RAB36: variants seen among roughly 807,000 people sequenced by gnomAD.
RAB36 encodes RAB36, member RAS oncogene family, also known as ras-related protein Rab-36.
In RAB36, 33 loss-of-function variants were observed where a neutral mutation model predicts 39.3. That is an observed-to-expected ratio of 0.84 (90% CI 0.64 to 1.12). RAB36 has a LOEUF of 1.12. Ranked by LOEUF, RAB36 falls within the 50% of genes most tolerant of loss-of-function variation. RAB36 has a pLI of 0.00. For synonymous variants in RAB36, 133 were observed against 140.2 expected (o/e 0.95, Z 0.36); for missense variants, 308 against 355.3 (o/e 0.87, Z 1.07).
At chr22:23,146,373 A>AT (rs1330272516) in intron 1 of RAB36, among the ~76,000 whole-genome samples, 1 of 134,190 alleles carries the variant, frequency 7.5e-6, no homozygotes, top group Non-Finnish European at 1.7e-5. Flanking sequence ...TGCCCTGCTA[A>AT]TTTTTTTGGT....
rs1319496659 is a variant in RAB36 at position 23,163,418 on chromosome 22, A to AC, written c.*1854_*1855insC. The AC allele has an allele frequency of 2.7e-5, 4 of 148,894 alleles. No individual in the cohort carries two copies. The highest frequency in any genetic ancestry group is 5.9e-5 in the Non-Finnish European group (4 of 67,448). 9.2% of individuals were successfully genotyped at this position (148,894 alleles called of 1,614,324 possible). ...CTAATTTTTTATATTTTTAGTAGAG[A>AC]GAGGTTTCACCGTGTTAGCCAGGAT... On this transcript the variant is annotated 3_prime_UTR_variant, in exon 11 of 11. Coordinates refer to ENST00000263116, the MANE Select transcript of RAB36 (RefSeq NM_004914.5).
At position 23,163,606 on chromosome 22, in the gene RAB36, G is replaced by GCCCCCCCCCCCCCCCCCCCCCCCCCCCC. The variant is rs71744650; in HGVS notation, c.*2052_*2053insCCCCCCCCCCCCCCCCCCCCCCCCCCCC. 2.4e-5 allele frequency: 3 copies of GCCCCCCCCCCCCCCCCCCCCCCCCCCCC among 125,230 alleles called. No homozygotes were observed. Among genetic ancestry groups the GCCCCCCCCCCCCCCCCCCCCCCCCCCCC allele is most frequent in the Admixed American group, 1.7e-4 (2 of 12,112 alleles). The allele number at this position is 125,230 out of a possible 1,614,324, so 7.8% of individuals were successfully genotyped here. A position where few individuals can be genotyped will look rare whatever the true frequency, so the allele number is the denominator to read the frequency against. ...AAAGCATATAAAATACAAGGTGAAA[G>GCCCCCCCCCCCCCCCCCCCCCCCCCCCC]CCCCCCCCCCGCCACATTAGCTGCG... On this transcript the variant is annotated 3_prime_UTR_variant, in exon 11 of 11. Transcript: ENST00000263116.
chr22:23,147,192 C>T (rs2070830194), intron 2 of RAB36, among the ~76,000 whole-genome samples: 1 of 152,198 alleles, frequency 6.6e-6, no homozygotes, highest in Non-Finnish European at 1.5e-5. Flanking sequence ...TGAAAACTCA[C>T]AGCTCTCTTG....
chr22:23,162,913 A>AT lies in RAB36; in HGVS notation c.*1349_*1350insT. 3.3e-6 allele frequency: 1 copy of AT among 299,486 alleles called. No homozygotes were observed. The allele number at this position is 299,486 out of a possible 1,614,324, so 18.6% of individuals were successfully genotyped here. A position where few individuals can be genotyped will look rare whatever the true frequency, so the allele number is the denominator to read the frequency against. Reference sequence around the variant, plus strand: ...TTTTTTGTAGTTTTTTATATAAATGACTTTTTTTTTTTTTTGAGATGGAGT... The same window carrying AT: ...TTTTTTGTAGTTTTTTATATAAATGATCTTTTTTTTTTTTTTGAGATGGAGT... On this transcript the variant is annotated 3_prime_UTR_variant, in exon 11 of 11. Coordinates refer to ENST00000263116, the MANE Select transcript of RAB36 (RefSeq NM_004914.5).
At chr22:23,151,998 G>A (rs1351628425) in intron 3 of RAB36, among the ~76,000 whole-genome samples, 5 of 152,220 alleles carry the variant, frequency 3.3e-5, no homozygotes, top group Non-Finnish European at 7.3e-5. Flanking sequence ...CCACATCGGC[G>A]CACAGCCCCG....
intron 2 of RAB36, among the ~76,000 whole-genome samples, chr22:23,148,845 G>A (rs2070947473): frequency 6.6e-6 from 1 of 152,232 alleles, no homozygotes; most frequent in African/African-American, 2.4e-5. Flanking sequence ...CTGACAGAAA[G>A]AAGCAGCCAG....
intron 5 of RAB36, among the ~76,000 whole-genome samples, chr22:23,155,219 C>T (rs1480816477): frequency 6.6e-6 from 1 of 152,156 alleles, no homozygotes; most frequent in Non-Finnish European, 1.5e-5. Context: ...ATCAGTTGAC[C>T]TCAAAAAGCG....
intron 5 of RAB36, among the ~76,000 whole-genome samples, chr22:23,155,658 C>T (rs925286503): frequency 6.6e-6 from 1 of 152,184 alleles, no homozygotes; most frequent in Non-Finnish European, 1.5e-5. Flanking sequence ...TGTCTTGGGC[C>T]GTATGTTCCA....
chr22:23,147,828 G>A (rs2070882083), intron 2 of RAB36, among the ~76,000 whole-genome samples: 1 of 152,220 alleles, frequency 6.6e-6, no homozygotes, highest in Non-Finnish European at 1.5e-5. Context: ...CTCTTCAGGA[G>A]CTGACATGCA....
At chr22:23,155,141 A>T (rs1283556285) in intron 5 of RAB36, among the ~76,000 whole-genome samples, 1 of 152,174 alleles carries the variant, frequency 6.6e-6, no homozygotes, top group Non-Finnish European at 1.5e-5. Context: ...AAAAGAAAAA[A>T]ATCAGACCAT....
intron 4 of RAB36, among the ~76,000 whole-genome samples, chr22:23,152,816 TCA>T (rs2071234998): frequency 6.6e-6 from 1 of 152,176 alleles, no homozygotes; most frequent in African/African-American, 2.4e-5. Context: ...TCAGTTTCGC[TCA>T]GTTTCTAACT....
chr22:23,149,437 C>T (rs2070979685), intron 2 of RAB36, among the ~76,000 whole-genome samples: 1 of 152,188 alleles, frequency 6.6e-6, no homozygotes, highest in Non-Finnish European at 1.5e-5. Flanking sequence ...AACCACTGCT[C>T]AGGTCTGCCT....
Position 23,164,052 on chromosome 22 carries a change from C to A in RAB36, c.*2488C>A, listed in dbSNP as rs1001549484. 1.3e-5 allele frequency: 2 copies of A among 152,252 alleles called. No individual in the cohort carries two copies. The highest frequency in any genetic ancestry group is 3.8e-4 in the East Asian group (2 of 5,196). The allele number at this position is 152,252 out of a possible 1,614,324, so 9.4% of individuals were successfully genotyped here. A position where few individuals can be genotyped will look rare whatever the true frequency, so the allele number is the denominator to read the frequency against. On this transcript the variant is annotated 3_prime_UTR_variant, in exon 11 of 11. Transcript: ENST00000263116. ...TGCGTACTCAGGAAGGCCCTTCTCCCGACTGCGGCCCCCAGCCTGGTCCAC... is the reference window on the plus strand; with the variant it reads ...TGCGTACTCAGGAAGGCCCTTCTCCAGACTGCGGCCCCCAGCCTGGTCCAC...
At chr22:23,151,558 G>T (rs1057265463) in intron 3 of RAB36, among the ~76,000 whole-genome samples, 4 of 152,100 alleles carry the variant, frequency 2.6e-5, no homozygotes, top group African/African-American at 7.2e-5. Flanking sequence ...TTGGCTCCTT[G>T]GGGATGAGCT....
chr22:23,146,744 C>T, intron 2 of RAB36, 59 bp downstream of exon 2: 1 of 1,589,246 alleles, frequency 6.3e-7, no homozygotes. Context: ...CAGCTCTCCC[C>T]ACTCTACACT....
At chr22:23,166,995 A>T (rs1444949102), downstream of RAB36, among the ~76,000 whole-genome samples, 1 of 152,006 alleles carries the variant, frequency 6.6e-6, no homozygotes, top group Non-Finnish European at 1.5e-5. Flanking sequence ...CTGTGGGCTC[A>T]CTACCACCCC....
In RAB36 at chr22:23,153,133, A is replaced by G. The variant is rs1179241295; in HGVS notation, c.328A>G (p.Ile110Val). 1 of 1,613,152 alleles carries G rather than the reference A, an allele frequency of 6.2e-7. No homozygotes were observed. The highest frequency in any genetic ancestry group is 8.5e-7 in the Non-Finnish European group (1 of 1,179,166). Residue 110 changes from isoleucine to valine, a missense_variant and splice_region_variant, in exon 5 of 11, where the codon ATC (isoleucine) becomes GTC (valine). Transcript: ENST00000263116. Reference sequence around the variant, plus strand: ...TGCTGGGATTCCCTATAGCCTCCAGATGTAAGTTGCTGGTTCCCCCATGGC... The same window carrying G: ...TGCTGGGATTCCCTATAGCCTCCAGGTGTAAGTTGCTGGTTCCCCCATGGC... ...EIAGIPYSLQIWDTAGQEKFK... is the reference protein window; with the variant it reads ...EIAGIPYSLQVWDTAGQEKFK...
downstream of RAB36, among the ~76,000 whole-genome samples, chr22:23,167,544 G>A (rs1418269802): frequency 6.6e-6 from 1 of 152,156 alleles, no homozygotes; most frequent in African/African-American, 2.4e-5. Flanking sequence ...CCTGGGGGAT[G>A]GGATGGACCA....
intron 1 of RAB36, 133 bp from the exon 2 acceptor site, chr22:23,146,472 A>G: frequency 7.3e-7 from 1 of 1,369,102 alleles, no homozygotes; most frequent in South Asian, 1.6e-5. Flanking sequence ...TTGGCCTCCC[A>G]AAGTGCTGGG....
Sources: allele counts gnomAD v4.1 joint callset (sites outside exome capture counted in the v4.1 genomes callset), GRCh38; gene constraint gnomAD v4.1.1; transcripts MANE v1.5; gene names NCBI Gene and HGNC (gene_info 2026-07-23, HGNC 2026-07-21).